GABPB1: variants seen among roughly 807,000 people sequenced by gnomAD.
The protein encoded by GABPB1 is GA binding protein transcription factor subunit beta 1, also known as GA-binding protein subunit beta-1.
In GABPB1, 15 loss-of-function variants were observed where a neutral mutation model predicts 45.9. The ratio of observed to expected loss-of-function variants is 0.33; its 90% CI spans 0.22 to 0.50. The LOEUF (loss-of-function observed/expected upper bound fraction) is 0.50, where lower values mean the gene tolerates loss of function less well. Among genes scored for constraint, GABPB1 ranks in the 20% least tolerant of loss-of-function variants. GABPB1 has a pLI of 0.98. For synonymous variants in GABPB1, 143 were observed against 154.4 expected (o/e 0.93, Z 0.55); for missense variants, 252 against 457.5 (o/e 0.55, Z 4.10).
chr15:50,292,993 A>AT (rs1024946583), intron 6 of GABPB1, among the ~76,000 whole-genome samples: 6 of 63,018 alleles, frequency 9.5e-5, no homozygotes, highest in Admixed American at 1.5e-4. Context: ...GTCTACATAT[A>AT]AAAAAAAAAT....
intron 1 of GABPB1, among the ~76,000 whole-genome samples, chr15:50,348,565 A>T (rs1276837684): frequency 1.5e-3 from 217 of 144,190 alleles, no homozygotes; most frequent in Non-Finnish European, 2.2e-3. Flanking sequence ...TTTTTTTTTT[A>T]AACTTTGAAA....
At chr15:50,319,817 G>A (rs2033114) in intron 1 of GABPB1, among the ~76,000 whole-genome samples, 39,372 of 152,014 alleles carry the variant, frequency 0.26, 6,493 homozygotes, top group Middle Eastern at 0.38. Context: ...CAGCCCAGGC[G>A]ACAGAGTGAG....
chr15:50,353,339 T>C (rs1421125431), intron 1 of GABPB1: 1 of 152,152 alleles, frequency 6.6e-6, no homozygotes, highest in Non-Finnish European at 1.5e-5. Flanking sequence ...AACAGCTTGA[T>C]TTGACTTGTA....
At chr15:50,322,120 C>G (rs899641654) in intron 1 of GABPB1, among the ~76,000 whole-genome samples, 1 of 152,270 alleles carries the variant, frequency 6.6e-6, no homozygotes, top group Non-Finnish European at 1.5e-5. Context: ...ATAGAAAAAT[C>G]TAGGCAGGAA....
chr15:50,296,783 G>T (rs1057075181), intron 6 of GABPB1, among the ~76,000 whole-genome samples: 1 of 151,952 alleles, frequency 6.6e-6, no homozygotes, highest in African/African-American at 2.4e-5. Flanking sequence ...AGATTTTAAA[G>T]AAACTGGACA....
chr15:50,279,771 A>G (rs1452454505), intron 8 of GABPB1, among the ~76,000 whole-genome samples: 4 of 152,176 alleles, frequency 2.6e-5, no homozygotes, highest in African/African-American at 9.7e-5. Flanking sequence ...AGTGGGGTGA[A>G]GGCCAGGGGT....
At chr15:50,339,045 G>A (rs1006677850) in intron 1 of GABPB1, among the ~76,000 whole-genome samples, 1 of 152,188 alleles carries the variant, frequency 6.6e-6, no homozygotes, top group African/African-American at 2.4e-5. Context: ...TTTCCCACCT[G>A]TAATCCCAGC....
At chr15:50,313,690 T>G (rs1472173476) in intron 1 of GABPB1, among the ~76,000 whole-genome samples, 3 of 152,040 alleles carry the variant, frequency 2.0e-5, no homozygotes, top group Non-Finnish European at 4.4e-5. Flanking sequence ...AACAAAAAAT[T>G]TATGCCACAT....
intron 1 of GABPB1, among the ~76,000 whole-genome samples, chr15:50,339,189 G>A (rs991098602): frequency 2.0e-5 from 3 of 152,096 alleles, no homozygotes; most frequent in African/African-American, 2.4e-5. Context: ...ATGGTGGTGC[G>A]TGCCTGTAGT....
intron 1 of GABPB1, among the ~76,000 whole-genome samples, chr15:50,318,144 T>C (rs2047417401): frequency 6.6e-6 from 1 of 152,180 alleles, no homozygotes; most frequent in Admixed American, 6.5e-5. Context: ...ACAAGATCAT[T>C]ATTGTCTCCA....
At chr15:50,305,399 G>A (rs2046914012) in intron 2 of GABPB1, among the ~76,000 whole-genome samples, 1 of 152,096 alleles carries the variant, frequency 6.6e-6, no homozygotes, top group Non-Finnish European at 1.5e-5. Flanking sequence ...GGGGTGCAAT[G>A]GATATTCATA....
intron 1 of GABPB1, among the ~76,000 whole-genome samples, chr15:50,339,100 C>G (rs2048249254): frequency 6.6e-6 from 1 of 152,074 alleles, no homozygotes; most frequent in Admixed American, 6.6e-5. Flanking sequence ...TGACCCTGAC[C>G]TCAGGGTCAG....
intron 6 of GABPB1, among the ~76,000 whole-genome samples, chr15:50,292,837 A>AGT (rs2046393625): frequency 8.7e-6 from 1 of 115,414 alleles, no homozygotes; most frequent in Non-Finnish European, 1.8e-5. Context: ...GCAAAATAAA[A>AGT]GTGTGTATAT....
In GABPB1 at chr15:50,304,049, C is replaced by G; in HGVS notation, c.193G>C (p.Asp65His). The change falls in exon 3 of 9, where the codon GAT becomes CAT. Residue 65 changes from aspartate to histidine, a missense_variant. By Grantham distance (81) the Asp-to-His change is moderately conservative. This residue lies in a region of GABPB1 where 35 missense variants were observed against 143.7 expected (regional missense o/e 0.24). Transcript: ENST00000380877. Reference sequence around the variant, plus strand: ...GTTCGGTCCACTTTGGTTCTGGCATCTCTGCTCACACCAGCTCGCAGCAGT... The same window carrying G: ...GTTCGGTCCACTTTGGTTCTGGCATGTCTGCTCACACCAGCTCGCAGCAGT... Reference protein sequence around the residue: ...EVLLRAGVSRDARTKVDRTPL... With the variant: ...EVLLRAGVSRHARTKVDRTPL... 6.2e-7 allele frequency: 1 copy of G among 1,613,742 alleles called. No individual in the cohort carries two copies. Among genetic ancestry groups the G allele is most frequent in the Non-Finnish European group, 8.5e-7 (1 of 1,179,824 alleles).
At chr15:50,281,359 ACG>A (rs1016825100) in intron 8 of GABPB1, among the ~76,000 whole-genome samples, 2 of 150,180 alleles carry the variant, frequency 1.3e-5, no homozygotes, top group African/African-American at 4.8e-5. Context: ...CTATAGGCGC[ACG>A]CCACCATGCT....
At chr15:50,336,246 G>A (rs952834773) in intron 1 of GABPB1, among the ~76,000 whole-genome samples, 1 of 150,498 alleles carries the variant, frequency 6.6e-6, no homozygotes, top group African/African-American at 2.4e-5. Context: ...CTAGCTACTC[G>A]GGAGGCTGAG....
chr15:50,298,682 G>A (rs896329897), intron 6 of GABPB1, among the ~76,000 whole-genome samples: 1 of 152,218 alleles, frequency 6.6e-6, no homozygotes, highest in Admixed American at 6.5e-5. Flanking sequence ...GCTGGGCACA[G>A]TGGCTCATGC....
chr15:50,326,502 T>TA (rs1047035209), intron 1 of GABPB1, among the ~76,000 whole-genome samples: 5 of 151,136 alleles, frequency 3.3e-5, no homozygotes, highest in African/African-American at 2.4e-5. Context: ...TACTAAACAA[T>TA]AAAAAAACAA....
intron 1 of GABPB1, among the ~76,000 whole-genome samples, chr15:50,342,157 C>G (rs543749743): frequency 4.7e-4 from 71 of 152,314 alleles, no homozygotes; most frequent in African/African-American, 1.7e-3. Context: ...ATTACCTCCT[C>G]CGATAAGTTT....
Sources: gnomAD v4.1 joint callset for allele counts (sites outside exome capture counted in the v4.1 genomes callset) on GRCh38, gnomAD v4.1.1 for gene constraint, gnomAD v4.1.1 regional missense constraint, MANE v1.5 for transcripts, NCBI Gene and HGNC (gene_info 2026-07-23, HGNC 2026-07-21) for gene names.